The following ADK variants were observed in gnomAD, a reference collection of about 807,000 sequenced individuals.
ADK encodes the protein adenosine kinase.
ADK carries 24 observed loss-of-function variants against 44.7 expected under a neutral mutation model. That is an observed-to-expected ratio of 0.54 (90% CI 0.39 to 0.76). The LOEUF (loss-of-function observed/expected upper bound fraction) is 0.76. ADK is among the 30% of genes least tolerant of loss of function. The pLI is 0.00. For missense variants in ADK, 321 were observed against 425.1 expected, an observed-to-expected ratio of 0.76 and a Z score of 2.15; for synonymous variants, 128 against 142.6, an observed-to-expected ratio of 0.90 and a Z score of 0.73.
In ADK at chr10:74,262,762, G is replaced by A. The variant is rs113042002; in HGVS notation, c.194+38171G>A. On this transcript the variant is annotated intron_variant, in intron 3 of 10. Coordinates refer to ENST00000539909, the MANE Select transcript of ADK (RefSeq NM_006721.4). ...TACAATTCTAGGGATAAGTAGGAGT[G>A]TAATTGATAAAACATGTATTTGTGC... Among the ~76,000 whole-genome samples the A allele has an allele frequency of 5.3e-3, 802 of 152,290 alleles. 12 individuals carry two copies. The highest frequency in any genetic ancestry group is 0.018 in the African/African-American group (728 of 41,550).
chr10:74,421,361 A>G (rs989948787), intron 6 of ADK, among the ~76,000 whole-genome samples: 5 of 152,190 alleles, frequency 3.3e-5, no homozygotes, highest in African/African-American at 1.2e-4. Flanking sequence ...TCTCACTGTC[A>G]GGAAGGGATG....
At chr10:74,430,651 C>T (rs184015235) in intron 6 of ADK, among the ~76,000 whole-genome samples, 4 of 151,988 alleles carry the variant, frequency 2.6e-5, no homozygotes, top group East Asian at 1.9e-4. Flanking sequence ...TTTAGACTGC[C>T]TCTAAGCTTT....
intron 4 of ADK, among the ~76,000 whole-genome samples, chr10:74,351,420 C>T (rs1841960116): frequency 6.6e-6 from 1 of 152,110 alleles, no homozygotes. Context: ...GAACATATCT[C>T]AAAATATAAG....
chr10:74,687,044 T>C lies in ADK; in HGVS notation c.964+16775T>C, dbSNP rs754550742. ...TGAAGATAATGAGTACCTATCTCAT[T>C]TGGGTTATTATGAAAGTTAAATGAA... is the stretch of plus-strand genomic sequence containing the variant. On this transcript the variant is annotated intron_variant, in intron 10 of 10. Coordinates refer to ENST00000539909, the MANE Select transcript of ADK (RefSeq NM_006721.4). Among the ~76,000 whole-genome samples, 25 of 152,152 alleles carry C rather than the reference T, an allele frequency of 1.6e-4. 1 individual carries two copies. Among genetic ancestry groups the C allele is most frequent in the South Asian group, 2.1e-4 (1 of 4,828 alleles).
At chr10:74,595,276 C>T (rs1851864808) in intron 8 of ADK, among the ~76,000 whole-genome samples, 1 of 149,724 alleles carries the variant, frequency 6.7e-6, no homozygotes, top group Non-Finnish European at 1.5e-5. Flanking sequence ...ATGTCTGGTG[C>T]TCTTTACTAT....
chr10:74,670,188 G>T lies in ADK; in HGVS notation c.883G>T (p.Glu295Ter). ...TTCTTTGGCTCTAATTGCAGAAAGT[G>T]AAGTCACTGCTTTTGCTGTCTTGGA... The part of the protein sequence containing the change: ...RDDTIMATES[E>*]VTAFAVLDQD... The change falls in exon 10 of 11, where the codon GAA becomes TAA. Residue 295 changes from glutamate (E) to a stop codon, truncating the protein, a stop_gained. Transcript: ENST00000539909. LOFTEE classifies it high-confidence loss of function. The T allele has an allele frequency of 6.2e-7, 1 of 1,613,722 alleles. No individual in the cohort carries two copies. The highest frequency in any genetic ancestry group is 1.1e-5 in the South Asian group (1 of 91,072).
intron 6 of ADK, among the ~76,000 whole-genome samples, chr10:74,457,857 G>C (rs1261457137): frequency 6.6e-6 from 1 of 152,060 alleles, no homozygotes; most frequent in South Asian, 2.1e-4. Context: ...TCACATACTG[G>C]GGCCTGTCAG....
chr10:74,624,078 T>G (rs1025800021), intron 9 of ADK, among the ~76,000 whole-genome samples: 6 of 152,206 alleles, frequency 3.9e-5, no homozygotes, highest in African/African-American at 1.2e-4. Context: ...AAATTTTCCT[T>G]GTTTAAAAGG....
intron 6 of ADK, among the ~76,000 whole-genome samples, chr10:74,490,141 T>C (rs1394078422): frequency 2.0e-5 from 3 of 152,060 alleles, no homozygotes; most frequent in Non-Finnish European, 2.9e-5. Flanking sequence ...ATCCATGACA[T>C]CTGAATTTCA....
intron 2 of ADK, among the ~76,000 whole-genome samples, chr10:74,208,990 G>C (rs1476338903): frequency 6.6e-6 from 1 of 152,134 alleles, no homozygotes; most frequent in Non-Finnish European, 1.5e-5. Flanking sequence ...GCCCACCTCG[G>C]TCTCCCAAAG....
intron 3 of ADK, among the ~76,000 whole-genome samples, chr10:74,252,862 T>C (rs1401363175): frequency 2.6e-5 from 4 of 152,210 alleles, no homozygotes; most frequent in Admixed American, 6.5e-5. Context: ...CCTTTTCACT[T>C]AGACTTTCCC....
intron 6 of ADK, among the ~76,000 whole-genome samples, chr10:74,432,278 G>A (rs1342169540): frequency 1.3e-5 from 2 of 152,076 alleles, no homozygotes; most frequent in African/African-American, 2.4e-5. Flanking sequence ...TAATCCTTTT[G>A]TAGATTTGTT....
At chr10:74,197,132 T>G (rs1360126176) in intron 1 of ADK, among the ~76,000 whole-genome samples, 1 of 152,210 alleles carries the variant, frequency 6.6e-6, no homozygotes, top group Non-Finnish European at 1.5e-5. Flanking sequence ...AACTGATTAC[T>G]AAGGCTAGAG....
At chr10:74,483,637 C>T (rs1847154785) in intron 6 of ADK, among the ~76,000 whole-genome samples, 1 of 152,188 alleles carries the variant, frequency 6.6e-6, no homozygotes, top group Non-Finnish European at 1.5e-5. Context: ...TCTTTGCTCA[C>T]ATATATGAGC....
chr10:74,627,976 G>A (rs1048148197), intron 9 of ADK, among the ~76,000 whole-genome samples: 2 of 152,142 alleles, frequency 1.3e-5, no homozygotes, highest in African/African-American at 4.8e-5. Context: ...GCTGCAGTAA[G>A]CTTTTAGAAG....
intron 5 of ADK, among the ~76,000 whole-genome samples, chr10:74,394,991 T>C (rs1843457937): frequency 6.6e-6 from 1 of 152,208 alleles, no homozygotes; most frequent in Admixed American, 6.5e-5. Flanking sequence ...ATGGAGATAC[T>C]CCTTCAGTGT....
At chr10:74,686,723 C>T (rs536149888) in intron 10 of ADK, among the ~76,000 whole-genome samples, 1 of 152,218 alleles carries the variant, frequency 6.6e-6, no homozygotes, top group East Asian at 1.9e-4. Context: ...TGTCACCAGG[C>T]TGGAGTGCAG....
At chr10:74,225,289 G>A (rs1338591623) in intron 3 of ADK, among the ~76,000 whole-genome samples, 1 of 151,978 alleles carries the variant, frequency 6.6e-6, no homozygotes, top group Non-Finnish European at 1.5e-5. Flanking sequence ...TGTTGGCCAG[G>A]CTGGTCTCAG....
intron 6 of ADK, among the ~76,000 whole-genome samples, chr10:74,497,324 T>C (rs926877723): frequency 5.3e-5 from 8 of 152,272 alleles, no homozygotes; most frequent in African/African-American, 1.9e-4. Context: ...CTTCAAATTG[T>C]GCTGAAGGCA....
Sources: gnomAD v4.1 joint callset for allele counts (sites outside exome capture counted in the v4.1 genomes callset) on GRCh38, gnomAD v4.1.1 for gene constraint, MANE v1.5 for transcripts, NCBI Gene and HGNC (gene_info 2026-07-23, HGNC 2026-07-21) for gene names.